FRYL: variants seen among roughly 807,000 people sequenced by gnomAD.
The protein encoded by FRYL is protein furry homolog-like.
FRYL carries 150 observed loss-of-function variants against 351.2 expected under a neutral mutation model. The observed-to-expected ratio is 0.43, with a 90% CI of 0.37 to 0.49. The LOEUF is 0.49. FRYL is among the 20% of genes least tolerant of loss of function. The pLI is 0.00. For synonymous variants in FRYL, 1,153 were observed against 1,257.1 expected, an observed-to-expected ratio of 0.92 and a Z score of 1.75; for missense variants, 3,036 against 3,619.3, an observed-to-expected ratio of 0.84 and a Z score of 4.13.
rs1451645573 is a variant in FRYL, at chr4:48,547,752, G to C, written c.4906C>G (p.Pro1636Ala). The C allele has an allele frequency of 5.9e-6, 9 of 1,518,510 alleles. No homozygotes were observed. Among genetic ancestry groups the C allele is most frequent in the Non-Finnish European group, 8.0e-6 (9 of 1,120,026 alleles). 94.1% of individuals were successfully genotyped at this position (1,518,510 alleles called of 1,614,324 possible). A position where few individuals can be genotyped will look rare whatever the true frequency, so the allele number is the denominator to read the frequency against. The change falls in exon 41 of 64, where the codon CCT becomes GCT. Residue 1636 changes from proline to alanine, a missense_variant. Physicochemically the swap from Pro to Ala is conservative, Grantham distance 27. Coordinates refer to ENST00000358350, the MANE Select transcript of FRYL (RefSeq NM_015030.2). ...CGTTTACAATGTTCATACACCTCAG[G>C]GTGGCAGTGGTCAAACCCTAAAAAG... The part of the protein sequence containing the change: ...AIFIGFDHCH[P>A]EVYEHCKRLL...
At chr4:48,640,895 A>T (rs1380462043) in intron 3 of FRYL, among the ~76,000 whole-genome samples, 1 of 152,202 alleles carries the variant, frequency 6.6e-6, no homozygotes. Flanking sequence ...AAAATAAAAA[A>T]CAGCTCAAGC....
At chr4:48,632,159 T>A (rs1483387285) in intron 4 of FRYL, among the ~76,000 whole-genome samples, 6 of 128,896 alleles carry the variant, frequency 4.7e-5, no homozygotes, top group African/African-American at 1.4e-4. Flanking sequence ...TATATAAATA[T>A]ATATATAAAA....
At chr4:48,538,873 C>T (rs184225322) in intron 47 of FRYL, among the ~76,000 whole-genome samples, 3 of 151,522 alleles carry the variant, frequency 2.0e-5, no homozygotes, top group South Asian at 4.2e-4. Context: ...GTCTGAAAAG[C>T]CTTTTTTCCT....
At chr4:48,597,947 T>A (rs1744939182) in intron 13 of FRYL, among the ~76,000 whole-genome samples, 1 of 152,250 alleles carries the variant, frequency 6.6e-6, no homozygotes, top group Non-Finnish European at 1.5e-5. Flanking sequence ...ACAAAGATAT[T>A]CAATCTAATT....
At chr4:48,738,195 T>C (rs190729599) in intron 1 of FRYL, among the ~76,000 whole-genome samples, 62 of 152,324 alleles carry the variant, frequency 4.1e-4, no homozygotes, top group African/African-American at 1.3e-3. Flanking sequence ...GGATCATTTA[T>C]GTAGAAAAGC....
rs557821768 is a variant in FRYL, at chr4:48,734,670, G to T, written c.-383-23972C>A. 1.3e-3 allele frequency among the ~76,000 whole-genome samples: 204 copies of T among 152,230 alleles called. 1 individual carries two copies. Among genetic ancestry groups the T allele is most frequent in the African/African-American group, 4.7e-3 (194 of 41,560 alleles). ...TCTGGGCCATAAAACAAAATTAAAAGAATAAAAATACGTTTAAATCTTTAA... is the reference window on the plus strand; with the variant it reads ...TCTGGGCCATAAAACAAAATTAAAATAATAAAAATACGTTTAAATCTTTAA... On this transcript the variant is annotated intron_variant, in intron 1 of 63. Coordinates refer to ENST00000358350, the MANE Select transcript of FRYL (RefSeq NM_015030.2).
chr4:48,578,991 G>T lies in FRYL; in HGVS notation c.2510C>A (p.Ser837Tyr), dbSNP rs757858521. 6.2e-7 allele frequency: 1 copy of T among 1,609,696 alleles called. No individual in the cohort carries two copies. The highest frequency in any genetic ancestry group is 1.1e-5 in the South Asian group (1 of 90,138). Reference protein sequence around the residue: ...MFAYTRLQLLSPQVDINSPIN... With the variant: ...MFAYTRLQLLYPQVDINSPIN... ...AACTTACTTTATATCGACCTGAGGG[G>T]ACAACAACTGAAGTCTTGTGTATGC... is the stretch of plus-strand genomic sequence containing the variant. Residue 837 changes from serine (S) to tyrosine (Y), a missense_variant, in exon 23 of 64, where the codon TCC (serine) becomes TAC (tyrosine). Transcript: ENST00000358350.
rs201697077 is a variant in FRYL at position 48,557,532 on chromosome 4, C to T, written c.4046G>A (p.Arg1349His). The T allele has an allele frequency of 2.5e-4, 410 of 1,613,996 alleles. 1 individual carries two copies. Among genetic ancestry groups the T allele is most frequent in the Non-Finnish European group, 3.3e-4 (394 of 1,180,014 alleles). The change falls in exon 34 of 64, where the codon CGC becomes CAC. Residue 1349 changes from arginine to histidine, a missense_variant. Coordinates refer to ENST00000358350, the MANE Select transcript of FRYL (RefSeq NM_015030.2). ...KDRELMVTSR[R>H]WLRGEGWGSP... Reference sequence around the variant, plus strand: ...TCCCCATCCTTCTCCCCGTAACCAGCGCCTACTAGTCACCATAAGTTCTCG... The same window carrying T: ...TCCCCATCCTTCTCCCCGTAACCAGTGCCTACTAGTCACCATAAGTTCTCG...
chr4:48,773,344 C>A (rs1468901486), intron 1 of FRYL, among the ~76,000 whole-genome samples: 1 of 152,106 alleles, frequency 6.6e-6, no homozygotes, highest in Non-Finnish European at 1.5e-5. Context: ...AATGCAAATC[C>A]ATCATGATCA....
Position 48,528,334 on chromosome 4 carries a change from T to G in FRYL, c.6906A>C (p.Thr2302=). 6.2e-7 allele frequency: 1 copy of G among 1,602,978 alleles called. No homozygotes were observed. Among genetic ancestry groups the G allele is most frequent in the Non-Finnish European group, 8.5e-7 (1 of 1,174,818 alleles). ...TLDFHFDISE[T]PIIGNKYGDQ... ...CACCATATTTGTTTCCAATAATTGG[T>G]GTCTACACAGAAACAAAATGTCAGT... The change falls in exon 51 of 64, where the codon ACA becomes ACC. Residue 2302 remains threonine (T), a splice_region_variant and synonymous_variant. Coordinates refer to ENST00000358350, the MANE Select transcript of FRYL (RefSeq NM_015030.2).
intron 3 of FRYL, among the ~76,000 whole-genome samples, chr4:48,651,665 G>A (rs1036635456): frequency 6.6e-6 from 1 of 152,112 alleles, no homozygotes. Context: ...AGTAGCATAC[G>A]CTCTATAAAC....
intron 7 of FRYL, among the ~76,000 whole-genome samples, chr4:48,610,559 G>C (rs1020661597): frequency 2.0e-5 from 3 of 149,408 alleles, no homozygotes; most frequent in Non-Finnish European, 3.0e-5. Flanking sequence ...CACTCAATAT[G>C]TATATATCAC....
intron 31 of FRYL, among the ~76,000 whole-genome samples, chr4:48,563,395 A>C (rs1362477275): frequency 6.6e-6 from 1 of 152,150 alleles, no homozygotes; most frequent in Non-Finnish European, 1.5e-5. Context: ...AAGAAAAGAA[A>C]ATACAGTCAA....
intron 3 of FRYL, among the ~76,000 whole-genome samples, chr4:48,643,723 T>G (rs1755786225): frequency 6.6e-6 from 1 of 151,912 alleles, no homozygotes; most frequent in Non-Finnish European, 1.5e-5. Context: ...AAATAGAAAA[T>G]GATTTTAAAA....
chr4:48,620,798 C>T lies in FRYL; in HGVS notation c.175-20G>A. 6.3e-7 allele frequency: 1 copy of T among 1,599,358 alleles called. No individual in the cohort carries two copies. Among genetic ancestry groups the T allele is most frequent in the South Asian group, 1.1e-5 (1 of 90,118 alleles). ...TATCAACTGAAAACACAAGATATTACCAGAAAATAAATTGTAACACTGAAT... is the reference window on the plus strand; with the variant it reads ...TATCAACTGAAAACACAAGATATTATCAGAAAATAAATTGTAACACTGAAT... On this transcript the variant is annotated intron_variant, in intron 5 of 63. Transcript: ENST00000358350.
At chr4:48,721,384 G>T (rs1769453830) in intron 1 of FRYL, among the ~76,000 whole-genome samples, 1 of 151,522 alleles carries the variant, frequency 6.6e-6, no homozygotes, top group Non-Finnish European at 1.5e-5. Flanking sequence ...GTTGAGATTG[G>T]CTGGGCATGG....
At chr4:48,542,608 A>T (rs1200484736) in intron 44 of FRYL, among the ~76,000 whole-genome samples, 5 of 152,026 alleles carry the variant, frequency 3.3e-5, no homozygotes, top group Admixed American at 2.6e-4. Flanking sequence ...GTAGAGACAG[A>T]TTTCGCCATG....
intron 3 of FRYL, among the ~76,000 whole-genome samples, chr4:48,655,756 A>G (rs2149448032): frequency 6.8e-6 from 1 of 146,200 alleles, no homozygotes; most frequent in Admixed American, 6.9e-5. Context: ...GTATAATTAT[A>G]TAATACATTA....
At chr4:48,574,445 A>G (rs1006114459) in intron 25 of FRYL, 2 of 152,118 alleles carry the variant, frequency 1.3e-5, no homozygotes, top group Non-Finnish European at 2.9e-5. Flanking sequence ...TTTTTTACTT[A>G]TTTTTATTTA....
Sources: allele counts gnomAD v4.1 joint callset (sites outside exome capture counted in the v4.1 genomes callset), GRCh38; gene constraint gnomAD v4.1.1; transcripts MANE v1.5; gene names NCBI Gene and HGNC (gene_info 2026-07-23, HGNC 2026-07-21).